The following MSRA variants were observed in gnomAD, a reference collection of about 807,000 sequenced individuals.
MSRA encodes the protein mitochondrial peptide methionine sulfoxide reductase.
Under a neutral mutation model 31.3 loss-of-function variants are expected in MSRA, and 54 were observed. The ratio of observed to expected loss-of-function variants is 1.73; its 90% CI spans 1.39 to 2.17. MSRA has a LOEUF of 2.17. MSRA is among the 30% of genes most tolerant of loss of function. The pLI, the probability that MSRA is intolerant of heterozygous loss-of-function variation, is 0.00. For synonymous variants in MSRA, 169 were observed against 116.5 expected (o/e 1.45, Z -2.90); for missense variants, 507 against 300.9 (o/e 1.69, Z -5.07).
intron 1 of MSRA, among the ~76,000 whole-genome samples, chr8:10,073,852 T>C (rs1012647343): frequency 6.6e-6 from 1 of 152,062 alleles, no homozygotes; most frequent in Non-Finnish European, 1.5e-5. Context: ...CAAATTACTT[T>C]CATTTCACTT....
At chr8:10,286,565 C>A (rs938423100) in intron 3 of MSRA, among the ~76,000 whole-genome samples, 8 of 152,192 alleles carry the variant, frequency 5.3e-5, no homozygotes, top group Non-Finnish European at 8.8e-5. Flanking sequence ...TATGTCTTTA[C>A]CAGCAGCATG....
At chr8:10,257,347 G>A (rs1217315748) in intron 3 of MSRA, among the ~76,000 whole-genome samples, 1 of 152,202 alleles carries the variant, frequency 6.6e-6, no homozygotes, top group African/African-American at 2.4e-5. Flanking sequence ...GGGTCTCAAT[G>A]CATTGGACAC....
chr8:10,331,799 C>G (rs1802717565), intron 5 of MSRA, among the ~76,000 whole-genome samples: 1 of 152,186 alleles, frequency 6.6e-6, no homozygotes, highest in South Asian at 2.1e-4. Flanking sequence ...CTCTAGATTA[C>G]TTATACCTAA....
intron 1 of MSRA, among the ~76,000 whole-genome samples, chr8:10,199,331 T>A (rs1230464421): frequency 6.6e-6 from 1 of 152,164 alleles, no homozygotes; most frequent in East Asian, 1.9e-4. Context: ...TTTGTTTGTT[T>A]GTTTTTTGAG....
intron 2 of MSRA, among the ~76,000 whole-genome samples, chr8:10,225,720 C>T (rs1052183754): frequency 1.3e-5 from 2 of 152,060 alleles, no homozygotes; most frequent in Admixed American, 6.6e-5. Flanking sequence ...AGATGTCTGA[C>T]GAGCCTAGTT....
At chr8:10,377,584 T>C (rs1805826325) in intron 5 of MSRA, among the ~76,000 whole-genome samples, 1 of 152,208 alleles carries the variant, frequency 6.6e-6, no homozygotes, top group Non-Finnish European at 1.5e-5. Context: ...CAATTTCCAC[T>C]TTTGGTTTTG....
chr8:10,165,210 C>T (rs1249944909), intron 1 of MSRA, among the ~76,000 whole-genome samples: 1 of 152,186 alleles, frequency 6.6e-6, no homozygotes, highest in Non-Finnish European at 1.5e-5. Flanking sequence ...ACGTTTTGAG[C>T]TGCTGGCTTC....
At chr8:10,315,663 G>A (rs2129134778) in intron 4 of MSRA, among the ~76,000 whole-genome samples, 1 of 152,336 alleles carries the variant, frequency 6.6e-6, no homozygotes, top group South Asian at 2.1e-4. Flanking sequence ...GCTTGGTACT[G>A]ATTTCAATGT....
intron 1 of MSRA, among the ~76,000 whole-genome samples, chr8:10,083,985 T>A (rs1209789754): frequency 2.6e-5 from 4 of 152,226 alleles, no homozygotes; most frequent in African/African-American, 7.2e-5. Flanking sequence ...CTGAAATCCA[T>A]TTACAAATAA....
chr8:10,218,780 T>C (rs905733691), intron 2 of MSRA, among the ~76,000 whole-genome samples: 14 of 152,228 alleles, frequency 9.2e-5, no homozygotes, highest in African/African-American at 3.4e-4. Flanking sequence ...CTGCCTTAAT[T>C]TGACGGAATG....
intron 1 of MSRA, among the ~76,000 whole-genome samples, chr8:10,112,437 G>A (rs796783856): frequency 1.5e-4 from 23 of 152,226 alleles, no homozygotes; most frequent in African/African-American, 5.3e-4. Flanking sequence ...CTAAAGTCAC[G>A]GCCAGTTAAA....
At chr8:10,226,856 C>G (rs1473756027) in intron 2 of MSRA, among the ~76,000 whole-genome samples, 1 of 152,168 alleles carries the variant, frequency 6.6e-6, no homozygotes, top group Non-Finnish European at 1.5e-5. Context: ...GCTCTCAGGT[C>G]CTCAGGAGGA....
At chr8:10,140,850 G>T (rs1395269613) in intron 1 of MSRA, among the ~76,000 whole-genome samples, 1 of 151,986 alleles carries the variant, frequency 6.6e-6, no homozygotes, top group East Asian at 1.9e-4. Context: ...GGATGAAAAA[G>T]AGAAGGAAAG....
chr8:10,079,774 A>T (rs1798189235), intron 1 of MSRA, among the ~76,000 whole-genome samples: 1 of 152,176 alleles, frequency 6.6e-6, no homozygotes, highest in Non-Finnish European at 1.5e-5. Context: ...TTCTCTTATC[A>T]GAGCCAAGGT....
rs185401682 is a variant in MSRA, at chr8:10,306,304, T to C, written c.436+4666T>C. 6.6e-5 allele frequency among the ~76,000 whole-genome samples: 10 copies of C among 152,298 alleles called. No homozygotes were observed. In the East Asian group the frequency reaches 1.9e-3, roughly 29 times the overall value. ...GGTCTGATGTAGGAATTAAATAAAA[T>C]AGTGTGAAAATAACATGAAAATGGT... is the stretch of plus-strand genomic sequence containing the variant. On this transcript the variant is annotated intron_variant, in intron 4 of 5. Transcript: ENST00000317173.
chr8:10,208,545 C>T (rs548230548), intron 2 of MSRA, among the ~76,000 whole-genome samples: 10 of 152,216 alleles, frequency 6.6e-5, no homozygotes, highest in Middle Eastern at 6.8e-3. Context: ...CTGCACATGG[C>T]CCTTTCTTTG....
At chr8:10,128,814 A>T (rs529899995) in intron 1 of MSRA, among the ~76,000 whole-genome samples, 1 of 152,338 alleles carries the variant, frequency 6.6e-6, no homozygotes, top group East Asian at 1.9e-4. Flanking sequence ...CATGCAACAG[A>T]TATTTACTAA....
At chr8:10,159,804 A>C (rs1159812768) in intron 1 of MSRA, among the ~76,000 whole-genome samples, 3 of 152,212 alleles carry the variant, frequency 2.0e-5, no homozygotes, top group African/African-American at 7.2e-5. Context: ...GAAGAGGTAC[A>C]GTGATAGAAA....
intron 1 of MSRA, among the ~76,000 whole-genome samples, chr8:10,148,508 A>G (rs992866775): frequency 6.6e-4 from 101 of 152,116 alleles, no homozygotes; most frequent in East Asian, 2.3e-3. Flanking sequence ...TTAGCCAGGC[A>G]TGGTGGTGCA....
Sources: gnomAD v4.1 joint callset for allele counts (sites outside exome capture counted in the v4.1 genomes callset) on GRCh38, gnomAD v4.1.1 for gene constraint, MANE v1.5 for transcripts, NCBI Gene and HGNC (gene_info 2026-07-23, HGNC 2026-07-21) for gene names.